CLVS1: variants seen among roughly 807,000 people sequenced by gnomAD.
CLVS1 encodes the protein clavesin 1.
A neutral mutation model predicts 33.1 loss-of-function variants in CLVS1; 10 were observed. The ratio of observed to expected loss-of-function variants is 0.30; its 90% CI spans 0.19 to 0.51. The LOEUF is 0.51. CLVS1 is among the 20% of genes least tolerant of loss of function. CLVS1 has a pLI of 0.97. For synonymous variants in CLVS1, 163 were observed against 166.1 expected, an observed-to-expected ratio of 0.98 and a Z score of 0.14; for missense variants, 343 against 433.4, an observed-to-expected ratio of 0.79 and a Z score of 1.85.
intron 3 of CLVS1, among the ~76,000 whole-genome samples, chr8:61,386,625 G>T (rs1377905970): frequency 6.6e-6 from 1 of 151,948 alleles, no homozygotes; most frequent in African/African-American, 2.4e-5. Context: ...TAGTGTTCAT[G>T]ATATAAGTCT....
chr8:61,174,793 G>A (rs978665987), intron 2 of CLVS1, among the ~76,000 whole-genome samples: 3 of 100,108 alleles, frequency 3.0e-5, no homozygotes, highest in Non-Finnish European at 4.3e-5. Flanking sequence ...ATGAAGGTAG[G>A]AAGAGAGTAA....
intron 2 of CLVS1, among the ~76,000 whole-genome samples, chr8:61,139,787 T>A (rs190136526): frequency 6.6e-6 from 1 of 152,234 alleles, no homozygotes; most frequent in Non-Finnish European, 1.5e-5. Flanking sequence ...TCTTTGTCCT[T>A]CACGGTCTCA....
rs72654641 is a variant in CLVS1 at position 61,134,700 on chromosome 8, C to A, written c.-152+2840C>A. On this transcript the variant is annotated intron_variant, in intron 2 of 2. Coordinates refer to the CLVS1 transcript ENST00000522621. ...CATCACAGTGATTCTGACACTCACT[C>A]TTCTGCCTCCTCTTCCACATTTAAG... Among the ~76,000 whole-genome samples the A allele has an allele frequency of 5.7e-3, 862 of 152,308 alleles. 8 individuals carry two copies. Among genetic ancestry groups the A allele is most frequent in the Non-Finnish European group, 8.8e-3 (597 of 68,024 alleles).
chr8:60,981,974 A>G, the CLVS1 span, among the ~76,000 whole-genome samples: 1 of 152,250 alleles, frequency 6.6e-6, no homozygotes, highest in African/African-American at 2.4e-5. Flanking sequence ...TTTAGAAGTT[A>G]TCATTTTGCT....
intron 2 of CLVS1, among the ~76,000 whole-genome samples, chr8:61,228,209 T>C (rs951222103): frequency 1.3e-5 from 2 of 152,214 alleles, no homozygotes; most frequent in Admixed American, 1.3e-4. Context: ...GTAAAAAATA[T>C]ATATTTATAG....
intron 3 of CLVS1, among the ~76,000 whole-genome samples, chr8:61,390,723 A>AT (rs111934171): frequency 0.022 from 3,352 of 152,212 alleles, 106 homozygotes; most frequent in African/African-American, 0.076. Flanking sequence ...TACTTTAGCC[A>AT]TTTTTGATTG....
chr8:61,363,901 C>T (rs1465457028), intron 2 of CLVS1, among the ~76,000 whole-genome samples: 1 of 152,156 alleles, frequency 6.6e-6, no homozygotes, highest in Non-Finnish European at 1.5e-5. Flanking sequence ...GCAGGGGCGC[C>T]ATGGGTGTGT....
chr8:61,001,191 C>T, the CLVS1 span, among the ~76,000 whole-genome samples: 4 of 152,254 alleles, frequency 2.6e-5, no homozygotes, highest in South Asian at 2.1e-4. Context: ...CTGTATTGCT[C>T]AGGCTGGTCT....
intron 1 of CLVS1, among the ~76,000 whole-genome samples, chr8:61,070,187 T>C (rs1219502930): frequency 6.6e-6 from 1 of 152,214 alleles, no homozygotes; most frequent in Non-Finnish European, 1.5e-5. Context: ...TTCTGCCTTC[T>C]GCCTATGGCT....
chr8:61,121,623 G>C (rs1253369014), intron 1 of CLVS1, among the ~76,000 whole-genome samples: 4 of 152,186 alleles, frequency 2.6e-5, no homozygotes, highest in African/African-American at 9.7e-5. Context: ...TTTTGCAGAA[G>C]AATCAAATTC....
the CLVS1 span, among the ~76,000 whole-genome samples, chr8:61,007,039 G>C: frequency 6.6e-6 from 1 of 152,186 alleles, no homozygotes; most frequent in Non-Finnish European, 1.5e-5. Context: ...TTCCTGGTTT[G>C]ATTCAGTAAT....
intron 1 of CLVS1, among the ~76,000 whole-genome samples, chr8:61,106,254 G>A (rs1296402138): frequency 6.6e-6 from 1 of 152,104 alleles, no homozygotes; most frequent in Non-Finnish European, 1.5e-5. Context: ...GGCCATACAT[G>A]GAATTCTCTA....
Position 61,250,944 on chromosome 8 carries a change from A to G in CLVS1, c.-151-48733A>G, listed in dbSNP as rs534216950. Among the ~76,000 whole-genome samples the G allele has an allele frequency of 1.8e-3, 275 of 152,278 alleles. 1 individual carries two copies. Among genetic ancestry groups the G allele is most frequent in the African/African-American group, 6.2e-3 (256 of 41,544 alleles). Reference sequence around the variant, plus strand: ...CTGATTGCCCTGGCCAGAACTTCCAATACTGTGTTGAATAGGAGTGGTGAG... The same window carrying G: ...CTGATTGCCCTGGCCAGAACTTCCAGTACTGTGTTGAATAGGAGTGGTGAG... On this transcript the variant is annotated intron_variant, in intron 2 of 2. Coordinates refer to the CLVS1 transcript ENST00000522621.
rs1297948986 is a variant in CLVS1, at chr8:61,480,058, C to G, written c.978-19397C>G. Among the ~76,000 whole-genome samples, 3 of 152,240 alleles carry G rather than the reference C, an allele frequency of 2.0e-5. No homozygotes were observed. In the South Asian group the frequency reaches 6.2e-4, roughly 31 times the overall value. ...GACCCATTTGAGGAGGCAGTCTGCCCGTTCTCAGATCTCAAGCTGTGTGCT... is the reference window on the plus strand; with the variant it reads ...GACCCATTTGAGGAGGCAGTCTGCCGGTTCTCAGATCTCAAGCTGTGTGCT... On this transcript the variant is annotated intron_variant, in intron 5 of 5. Coordinates refer to ENST00000325897, the MANE Select transcript of CLVS1 (RefSeq NM_173519.3).
At chr8:60,977,698 C>T in the CLVS1 span, among the ~76,000 whole-genome samples, 1 of 152,100 alleles carries the variant, frequency 6.6e-6, no homozygotes, top group East Asian at 1.9e-4. Flanking sequence ...TCATTAAACA[C>T]ACCAACATAC....
At chr8:61,115,800 G>A (rs907493963) in intron 1 of CLVS1, among the ~76,000 whole-genome samples, 29 of 146,782 alleles carry the variant, frequency 2.0e-4, no homozygotes, top group Admixed American at 8.9e-4. Context: ...TTGGTTCCAA[G>A]TCTTTGCTAT....
intron 3 of CLVS1, among the ~76,000 whole-genome samples, chr8:61,431,285 C>T (rs1228626759): frequency 6.6e-6 from 1 of 152,100 alleles, no homozygotes; most frequent in Non-Finnish European, 1.5e-5. Context: ...ATGTATTAAA[C>T]AACGTTCAAC....
chr8:61,269,617 A>G (rs1358351324), intron 2 of CLVS1, among the ~76,000 whole-genome samples: 1 of 150,816 alleles, frequency 6.6e-6, no homozygotes, highest in South Asian at 2.1e-4. Flanking sequence ...CAGTATGGCC[A>G]TTTTCACGAT....
chr8:61,111,984 C>G (rs1311368673), intron 1 of CLVS1, among the ~76,000 whole-genome samples: 2 of 151,982 alleles, frequency 1.3e-5, no homozygotes, highest in East Asian at 3.8e-4. Context: ...CAAATCGGTA[C>G]TGTAGAATTC....
Sources: gnomAD v4.1 joint callset for allele counts (sites outside exome capture counted in the v4.1 genomes callset) on GRCh38, gnomAD v4.1.1 for gene constraint, MANE v1.5 for transcripts, NCBI Gene and HGNC (gene_info 2026-07-23, HGNC 2026-07-21) for gene names.